The following EEFSEC variants were observed in gnomAD, a reference collection of about 807,000 sequenced individuals.
The protein encoded by EEFSEC is eukaryotic elongation factor, selenocysteine-tRNA specific.
In EEFSEC, 43 loss-of-function variants were observed where a neutral mutation model predicts 42.1. The observed-to-expected ratio is 1.02, with a 90% confidence interval of 0.80 to 1.32. The LOEUF (loss-of-function observed/expected upper bound fraction) is 1.32. Among genes scored for constraint, EEFSEC ranks in the 40% most tolerant of loss-of-function variants. The probability of loss-of-function intolerance (pLI) is 0.00; values close to 1 mark genes in which losing one functional copy is unlikely to be tolerated. For missense variants in EEFSEC, 745 were observed against 803.6 expected (o/e 0.93, Z 0.88); for synonymous variants, 354 against 339.1 (o/e 1.04, Z -0.48).
intron 6 of EEFSEC, among the ~76,000 whole-genome samples, chr3:128,382,955 C>T (rs1178355537): frequency 6.6e-6 from 1 of 152,268 alleles, no homozygotes; most frequent in African/African-American, 2.4e-5. Context: ...CAGTCACCTG[C>T]TGCCTCCCTG....
chr3:128,346,470 C>T (rs57699322), intron 5 of EEFSEC, among the ~76,000 whole-genome samples: 26,003 of 152,080 alleles, frequency 0.17, 2,919 homozygotes, highest in African/African-American at 0.32. Context: ...ATGGGAATAT[C>T]GTGATGTCAG....
At chr3:128,175,617 G>A (rs1413547057) in intron 1 of EEFSEC, among the ~76,000 whole-genome samples, 2 of 152,212 alleles carry the variant, frequency 1.3e-5, no homozygotes, top group Admixed American at 1.3e-4. Context: ...CATTTAATGA[G>A]TCCCAGATAC....
At chr3:128,208,818 C>T (rs537167249) in intron 1 of EEFSEC, among the ~76,000 whole-genome samples, 5 of 152,294 alleles carry the variant, frequency 3.3e-5, no homozygotes, top group East Asian at 3.9e-4. Flanking sequence ...TTTGGCACAT[C>T]GGCTTATTAA....
At chr3:128,420,195 C>T in the EEFSEC span, among the ~76,000 whole-genome samples, 1 of 152,228 alleles carries the variant, frequency 6.6e-6, no homozygotes, top group Non-Finnish European at 1.5e-5. Context: ...GGCTGTCACA[C>T]ACGCGCGTGG....
chr3:128,253,345 T>C (rs1344286315), intron 2 of EEFSEC, among the ~76,000 whole-genome samples: 1 of 152,150 alleles, frequency 6.6e-6, no homozygotes, highest in Non-Finnish European at 1.5e-5. Flanking sequence ...GTGCTAAGAA[T>C]AGATTTTTCT....
intron 6 of EEFSEC, among the ~76,000 whole-genome samples, chr3:128,379,512 A>G (rs952910506): frequency 1.3e-5 from 2 of 152,224 alleles, no homozygotes; most frequent in Non-Finnish European, 2.9e-5. Flanking sequence ...ACAATACGTT[A>G]AAAATATCTG....
intron 4 of EEFSEC, among the ~76,000 whole-genome samples, chr3:128,315,761 A>G (rs1576631050): frequency 1.3e-5 from 2 of 152,222 alleles, no homozygotes; most frequent in African/African-American, 4.8e-5. Context: ...AGGGTTTATA[A>G]GGAAAGAAAT....
intron 1 of EEFSEC, among the ~76,000 whole-genome samples, chr3:128,228,986 C>G (rs1040871564): frequency 6.6e-6 from 1 of 152,148 alleles, no homozygotes. Context: ...GCTTCATGAT[C>G]CAGGGAAATA....
intron 4 of EEFSEC, among the ~76,000 whole-genome samples, chr3:128,274,945 A>G (rs1176046653): frequency 6.6e-6 from 1 of 152,188 alleles, no homozygotes; most frequent in Non-Finnish European, 1.5e-5. Flanking sequence ...TCAAGGGGAA[A>G]CTGTGACTCA....
intron 1 of EEFSEC, among the ~76,000 whole-genome samples, chr3:128,179,922 T>C (rs2065387968): frequency 6.6e-6 from 1 of 152,214 alleles, no homozygotes; most frequent in Admixed American, 6.5e-5. Flanking sequence ...TCCATACTTT[T>C]TTGGAGGTAG....
intron 6 of EEFSEC, among the ~76,000 whole-genome samples, chr3:128,371,163 A>G (rs2067649285): frequency 6.6e-6 from 1 of 152,002 alleles, no homozygotes; most frequent in South Asian, 2.1e-4. Context: ...GAAGTCTTTC[A>G]TGGAATCCAA....
At chr3:128,278,742 AGGGTCTGAGTG>A (rs1003646464) in intron 4 of EEFSEC, among the ~76,000 whole-genome samples, 1 of 152,160 alleles carries the variant, frequency 6.6e-6, no homozygotes, top group Non-Finnish European at 1.5e-5. Context: ...TAGTTGTGAA[AGGGTCTGAGTG>A]GCTCCAGCTT....
At chr3:128,155,693 G>A (rs879629689) in intron 1 of EEFSEC, among the ~76,000 whole-genome samples, 5 of 152,282 alleles carry the variant, frequency 3.3e-5, no homozygotes, top group Middle Eastern at 3.4e-3. Flanking sequence ...TGGCTTGGTG[G>A]CAGATGGCCT....
intron 4 of EEFSEC, among the ~76,000 whole-genome samples, chr3:128,322,756 C>T (rs559557966): frequency 1.3e-5 from 2 of 152,234 alleles, no homozygotes; most frequent in Non-Finnish European, 2.9e-5. Context: ...GGAGGTGCCA[C>T]AGGGGCAGTG....
chr3:128,279,217 A>AGG (rs2066499815), intron 4 of EEFSEC, among the ~76,000 whole-genome samples: 2 of 152,214 alleles, frequency 1.3e-5, no homozygotes, highest in African/African-American at 4.8e-5. Context: ...AGGGGTGCAG[A>AGG]CAGGCAGGAA....
chr3:128,217,888 C>T (rs575209794), intron 1 of EEFSEC, among the ~76,000 whole-genome samples: 19 of 152,224 alleles, frequency 1.2e-4, no homozygotes, highest in Admixed American at 3.9e-4. Flanking sequence ...TGGAACTATG[C>T]GAACATTTTT....
chr3:128,158,043 G>A (rs1008691586), intron 1 of EEFSEC, among the ~76,000 whole-genome samples: 7 of 152,224 alleles, frequency 4.6e-5, no homozygotes, highest in African/African-American at 1.7e-4. Context: ...TAATTTGGAA[G>A]AGGTTGATTC....
At chr3:128,162,159 T>C (rs910706976) in intron 1 of EEFSEC, among the ~76,000 whole-genome samples, 1 of 152,244 alleles carries the variant, frequency 6.6e-6, no homozygotes. Flanking sequence ...TAGTTCCTAG[T>C]ATCCATCAGG....
Position 128,408,080 on chromosome 3 carries a change from C to A in EEFSEC, c.1612C>A (p.Pro538Thr). 6.3e-7 allele frequency: 1 copy of A among 1,578,922 alleles called. No homozygotes were observed. ...TCTGTGCCTTGCAGGTGGCCTCAGCCCCGAGTCCAAGAAGATCCTGACACC... is the reference window on the plus strand; with the variant it reads ...TCTGTGCCTTGCAGGTGGCCTCAGCACCGAGTCCAAGAAGATCCTGACACC... ...FKIHIPGGLS[P>T]ESKKILTPAL... The change falls in exon 7 of 7, where the codon CCC becomes ACC. Residue 538 changes from proline to threonine, a missense_variant. Transcript: ENST00000254730.
Sources: gnomAD v4.1 joint callset for allele counts (sites outside exome capture counted in the v4.1 genomes callset) on GRCh38, gnomAD v4.1.1 for gene constraint, MANE v1.5 for transcripts, NCBI Gene and HGNC (gene_info 2026-07-23, HGNC 2026-07-21) for gene names.